The following CSNK1G1 variants were observed in gnomAD, a reference collection of about 807,000 sequenced individuals.
CSNK1G1 encodes casein kinase 1 gamma 1.
Under a neutral mutation model 59.6 loss-of-function variants are expected in CSNK1G1, and 22 were observed. The ratio of observed to expected loss-of-function variants is 0.37; its 90% CI spans 0.26 to 0.53. The LOEUF is 0.53. Ranked by LOEUF, CSNK1G1 falls within the 20% of genes least tolerant of loss-of-function variation. The pLI is 0.89. For synonymous variants in CSNK1G1, 179 were observed against 177.1 expected, an observed-to-expected ratio of 1.01 and a Z score of -0.08; for missense variants, 384 against 519.5, an observed-to-expected ratio of 0.74 and a Z score of 2.54.
At chr15:64,348,947 C>T (rs1385788883) in intron 1 of CSNK1G1, among the ~76,000 whole-genome samples, 1 of 151,990 alleles carries the variant, frequency 6.6e-6, no homozygotes, top group Non-Finnish European at 1.5e-5. Context: ...GCCTGGCCAA[C>T]GTGGTGAAAC....
intron 4 of CSNK1G1, among the ~76,000 whole-genome samples, chr15:64,231,067 C>A (rs947335479): frequency 1.3e-5 from 2 of 151,782 alleles, no homozygotes; most frequent in African/African-American, 4.8e-5. Context: ...TGGCTCACAC[C>A]TGTAATCTCA....
chr15:64,181,370 T>C, intron 10 of CSNK1G1: 1 of 1,535,932 alleles, frequency 6.5e-7, no homozygotes, highest in African/African-American at 1.4e-5. Flanking sequence ...ATGTGGGTGC[T>C]GGGAAGTGGG....
chr15:64,308,990 T>C (rs1895846354), intron 1 of CSNK1G1, among the ~76,000 whole-genome samples: 1 of 152,150 alleles, frequency 6.6e-6, no homozygotes, highest in South Asian at 2.1e-4. Flanking sequence ...TGTTCCCTTA[T>C]ATTTTATGTT....
intron 1 of CSNK1G1, among the ~76,000 whole-genome samples, chr15:64,306,255 C>T (rs942717698): frequency 8.5e-5 from 13 of 152,132 alleles, no homozygotes; most frequent in South Asian, 2.1e-4. Context: ...TTGTTAGAGG[C>T]CTGTTATCTA....
chr15:64,333,610 T>C (rs1168450123), intron 1 of CSNK1G1, among the ~76,000 whole-genome samples: 2 of 152,042 alleles, frequency 1.3e-5, no homozygotes, highest in Non-Finnish European at 2.9e-5. Context: ...TGAATGTAAA[T>C]GGTCTTAAAT....
intron 2 of CSNK1G1, among the ~76,000 whole-genome samples, chr15:64,282,711 G>C (rs1894208266): frequency 6.6e-6 from 1 of 152,150 alleles, no homozygotes; most frequent in Non-Finnish European, 1.5e-5. Flanking sequence ...TTGGGGTGCT[G>C]CCACTTTTTG....
At chr15:64,199,787 A>C (rs2140242012) in intron 10 of CSNK1G1, among the ~76,000 whole-genome samples, 2 of 152,242 alleles carry the variant, frequency 1.3e-5, no homozygotes, top group East Asian at 3.9e-4. Flanking sequence ...CGGGAGGTGG[A>C]GGTTGCAGTG....
intron 1 of CSNK1G1, among the ~76,000 whole-genome samples, chr15:64,317,488 A>G (rs1261998415): frequency 6.7e-6 from 1 of 149,582 alleles, no homozygotes; most frequent in East Asian, 1.9e-4. Flanking sequence ...AGTGAATATT[A>G]TCAAATACTT....
intron 1 of CSNK1G1, among the ~76,000 whole-genome samples, chr15:64,316,083 G>C (rs993233695): frequency 1.3e-5 from 2 of 152,168 alleles, no homozygotes; most frequent in Non-Finnish European, 2.9e-5. Context: ...CCGGAGTGCA[G>C]TAGCATGGTC....
chr15:64,287,558 C>G (rs1300034600), intron 2 of CSNK1G1, among the ~76,000 whole-genome samples: 1 of 152,206 alleles, frequency 6.6e-6, no homozygotes, highest in Non-Finnish European at 1.5e-5. Context: ...CTGCCCCACC[C>G]AAAGCACTGT....
chr15:64,213,977 C>T lies in CSNK1G1; in HGVS notation c.592G>A (p.Glu198Lys), dbSNP rs1449629917. Reference sequence around the variant, plus strand: ...CTATAAGGTATGTGTTTTTTGGTTTCGGGGTCAATGTATTCCTTGGCCAGT... The same window carrying T: ...CTATAAGGTATGTGTTTTTTGGTTTTGGGGTCAATGTATTCCTTGGCCAGT... ...FGLAKEYIDP[E>K]TKKHIPYREH... Residue 198 changes from glutamate to lysine, a missense_variant, in exon 6 of 12, where the codon GAA becomes AAA. Glu to Lys is a moderately conservative substitution (Grantham distance 56). This residue lies in a region of CSNK1G1 where 325 missense variants were observed against 440.9 expected (regional missense o/e 0.74). Transcript: ENST00000303052. The T allele has an allele frequency of 3.1e-6, 5 of 1,613,936 alleles. No individual in the cohort carries two copies. Among genetic ancestry groups the T allele is most frequent in the East Asian group, 2.2e-5 (1 of 44,880 alleles).
At chr15:64,345,585 T>C (rs1897911129) in intron 1 of CSNK1G1, among the ~76,000 whole-genome samples, 1 of 152,188 alleles carries the variant, frequency 6.6e-6, no homozygotes, top group Admixed American at 6.5e-5. Context: ...AAGACTCTAA[T>C]ACATGTATGA....
chr15:64,314,528 G>A (rs1212628843), intron 1 of CSNK1G1, among the ~76,000 whole-genome samples: 4 of 146,338 alleles, frequency 2.7e-5, no homozygotes, highest in African/African-American at 5.1e-5. Context: ...ATTTTAAAAT[G>A]TACAAAAACT....
intron 2 of CSNK1G1, among the ~76,000 whole-genome samples, chr15:64,283,253 G>C (rs1361489733): frequency 2.6e-5 from 4 of 151,794 alleles, no homozygotes; most frequent in African/African-American, 4.8e-5. Flanking sequence ...AGTTGTAAGA[G>C]TCTTCTATAT....
At chr15:64,278,571 G>A (rs967646789) in intron 2 of CSNK1G1, among the ~76,000 whole-genome samples, 3 of 151,936 alleles carry the variant, frequency 2.0e-5, no homozygotes, top group Admixed American at 6.6e-5. Flanking sequence ...CAGGACTACA[G>A]GCACAGGCCA....
Position 64,214,058 on chromosome 15 carries a change from G to A in CSNK1G1, c.511C>T (p.Leu171=). 1 of 1,614,102 alleles carries A rather than the reference G, an allele frequency of 6.2e-7. No individual in the cohort carries two copies. Among genetic ancestry groups the A allele is most frequent in the South Asian group, 1.1e-5 (1 of 91,086 alleles). ...IYRDVKPENF[L]IGRQGNKKEH... ...TTCTTATTGCCTTGTCGACCAATCA[G>A]GAAGTTCTCTGGCTTGACATCTCGG... The change falls in exon 6 of 12, where the codon CTG becomes TTG. Residue 171 remains leucine, a synonymous_variant. Coordinates refer to ENST00000303052, the MANE Select transcript of CSNK1G1 (RefSeq NM_022048.5). This position sits in a 1 kb window ranked among gnomAD's most constrained non-coding sequence, Gnocchi z 4.3.
rs373349117 is a variant in CSNK1G1 at position 64,235,423 on chromosome 15, AT to A, written c.292+16088del. 1.9e-3 allele frequency among the ~76,000 whole-genome samples: 282 copies of A among 152,354 alleles called. 12 individuals are homozygous for A. The South Asian group carries it at 0.058, about 31-fold the overall frequency. On this transcript the variant is annotated intron_variant, in intron 4 of 11. Transcript: ENST00000303052. ...AAAATGTTTGATGGCAATTTAACAC[AT>A]GTATCAGTAAAATGAAATTTCAGCC...
chr15:64,201,751 T>TGTGTGTGTGTGTGTG (rs1555499642), intron 10 of CSNK1G1, among the ~76,000 whole-genome samples: 1 of 142,340 alleles, frequency 7.0e-6, no homozygotes, highest in Non-Finnish European at 1.5e-5. Flanking sequence ...TGTGTGTGTG[T>TGTGTGTGTGTGTGTG]TTATATACTA....
intron 4 of CSNK1G1, among the ~76,000 whole-genome samples, chr15:64,227,911 C>G (rs1024333815): frequency 6.6e-6 from 1 of 152,142 alleles, no homozygotes; most frequent in Non-Finnish European, 1.5e-5. Context: ...GTGTTGTTGC[C>G]AAAATTATTC....
Sources: allele counts gnomAD v4.1 joint callset (sites outside exome capture counted in the v4.1 genomes callset), GRCh38; gene constraint gnomAD v4.1.1; regional missense constraint gnomAD v4.1.1; non-coding constraint Gnocchi (gnomAD v3.1); transcripts MANE v1.5; gene names NCBI Gene and HGNC (gene_info 2026-07-23, HGNC 2026-07-21).